Variants in DGKG observed in about 807,000 individuals in gnomAD.
DGKG encodes the protein diacylglycerol kinase gamma.
A neutral mutation model predicts 105.3 loss-of-function variants in DGKG; 78 were observed. That is an observed-to-expected ratio of 0.74 (90% CI 0.62 to 0.89). The LOEUF (loss-of-function observed/expected upper bound fraction) is 0.89. Ranked by LOEUF, DGKG falls within the 40% of genes least tolerant of loss-of-function variation. The pLI is 0.00. For missense variants in DGKG, 958 were observed against 1,020.1 expected, an observed-to-expected ratio of 0.94 and a Z score of 0.83; for synonymous variants, 346 against 367.1, an observed-to-expected ratio of 0.94 and a Z score of 0.66.
intron 21 of DGKG, among the ~76,000 whole-genome samples, chr3:186,205,925 A>T (rs1279370189): frequency 6.6e-6 from 1 of 152,180 alleles, no homozygotes; most frequent in Non-Finnish European, 1.5e-5. Context: ...AATTAAAAGG[A>T]GTAATTGATG....
rs535897095 is a variant in DGKG, at chr3:186,348,542, C to T, written c.-249+13404G>A. ...TCACGGCTCACTGCAGTCTGCACCT[C>T]TTGGGCTCAGGTGATCCTTCCACCT... On this transcript the variant is annotated intron_variant, in intron 1 of 24. Coordinates refer to ENST00000265022, the MANE Select transcript of DGKG (RefSeq NM_001346.3). Among the ~76,000 whole-genome samples, 221 of 148,756 alleles carry T rather than the reference C, an allele frequency of 1.5e-3. 1 individual carries two copies. The highest frequency in any genetic ancestry group is 5.3e-3 in the African/African-American group (211 of 39,994).
At chr3:186,303,486 T>G (rs1318577385) in intron 3 of DGKG, among the ~76,000 whole-genome samples, 1 of 152,188 alleles carries the variant, frequency 6.6e-6, no homozygotes, top group African/African-American at 2.4e-5. Flanking sequence ...AAGAGAGAAC[T>G]AGATGGAGAG....
At chr3:186,353,500 C>G (rs996013195) in intron 1 of DGKG, among the ~76,000 whole-genome samples, 4 of 150,002 alleles carry the variant, frequency 2.7e-5, no homozygotes, top group African/African-American at 9.8e-5. Context: ...GCCTGGGTGA[C>G]AGAGTGAGAT....
Position 186,279,933 on chromosome 3 carries a change from T to C in DGKG, c.710A>G (p.Asp237Gly). Residue 237 changes from aspartate (D) to glycine (G), a missense_variant, in exon 9 of 25, where the codon GAC (aspartate) becomes GGC (glycine). Physicochemically the swap from Asp to Gly is moderately conservative, Grantham distance 94 (BLOSUM62 -1). This residue lies in a region of DGKG where 643 missense variants were observed against 619.5 expected (regional missense o/e 1.04). Coordinates refer to ENST00000265022, the MANE Select transcript of DGKG (RefSeq NM_001346.3). ...CCATTCCTGTAGAGACACAAAGCCG[T>C]CCCGGTCGTAGTCCATCCCTTGCAG... ...EMLQGMDYDR[D>G]GFVSLQEWVH... 15 of 1,614,150 alleles carry C rather than the reference T, an allele frequency of 9.3e-6. No individual in the cohort carries two copies. Among genetic ancestry groups the C allele is most frequent in the Non-Finnish European group, 1.2e-5 (14 of 1,179,990 alleles).
At chr3:186,164,686 C>T (rs771566296) in intron 23 of DGKG, among the ~76,000 whole-genome samples, 17 of 152,180 alleles carry the variant, frequency 1.1e-4, no homozygotes, top group Non-Finnish European at 2.5e-4. Context: ...GAACAGCAAA[C>T]TGGTTGTGGT....
intron 7 of DGKG, among the ~76,000 whole-genome samples, chr3:186,281,488 T>C (rs552867226): frequency 1.3e-5 from 2 of 152,276 alleles, no homozygotes; most frequent in South Asian, 4.1e-4. Flanking sequence ...TAGGCACCAG[T>C]TAAGATGTTC....
At chr3:186,156,071 C>T (rs952203415) in intron 24 of DGKG, among the ~76,000 whole-genome samples, 10 of 151,922 alleles carry the variant, frequency 6.6e-5, no homozygotes, top group African/African-American at 1.7e-4. Flanking sequence ...TTTGGGATAG[C>T]GATTGCAAAC....
chr3:186,242,422 A>C, intron 20 of DGKG, 82 bp downstream of exon 20: 1 of 1,282,992 alleles, frequency 7.8e-7, no homozygotes, highest in Admixed American at 2.5e-5. Context: ...GGCTGGGAAA[A>C]TTTCCAGAGA....
chr3:186,275,788 C>T, intron 9 of DGKG, 124 bp from the exon 10 acceptor site: 1 of 639,902 alleles, frequency 1.6e-6, no homozygotes. Context: ...ATATTTTTTA[C>T]TGTTTTAAAT....
intron 3 of DGKG, among the ~76,000 whole-genome samples, chr3:186,304,471 G>A (rs181228369): frequency 2.0e-5 from 3 of 152,308 alleles, no homozygotes; most frequent in Admixed American, 6.5e-5. Flanking sequence ...AGTGTCCAAC[G>A]GAGAAGGTGT....
At chr3:186,167,338 C>T (rs1716595865) in intron 22 of DGKG, among the ~76,000 whole-genome samples, 1 of 152,172 alleles carries the variant, frequency 6.6e-6, no homozygotes, top group Admixed American at 6.5e-5. Flanking sequence ...TCCTAGAATG[C>T]CTACAGAGGT....
At chr3:186,312,841 G>T (rs1724620218) in intron 2 of DGKG, among the ~76,000 whole-genome samples, 1 of 152,228 alleles carries the variant, frequency 6.6e-6, no homozygotes, top group South Asian at 2.1e-4. Flanking sequence ...CTGGAGTCAG[G>T]CCTCAGAGCA....
At chr3:186,189,230 T>C (rs1160434824) in intron 21 of DGKG, among the ~76,000 whole-genome samples, 2 of 152,240 alleles carry the variant, frequency 1.3e-5, no homozygotes, top group African/African-American at 4.8e-5. Flanking sequence ...AAATGCAATT[T>C]TGGCATATGT....
intron 23 of DGKG, among the ~76,000 whole-genome samples, chr3:186,164,277 C>A (rs1716431945): frequency 6.6e-6 from 1 of 152,200 alleles, no homozygotes; most frequent in South Asian, 2.1e-4. Flanking sequence ...GAATCTCAGA[C>A]AAAATGTGAT....
chr3:186,269,985 T>C (rs909581594), intron 11 of DGKG, among the ~76,000 whole-genome samples: 10 of 152,148 alleles, frequency 6.6e-5, no homozygotes, highest in Non-Finnish European at 1.5e-4. Context: ...AAATTTTCAC[T>C]ATGGTACCAC....
intron 21 of DGKG, among the ~76,000 whole-genome samples, chr3:186,206,372 G>A (rs1298579324): frequency 1.3e-5 from 2 of 151,186 alleles, no homozygotes; most frequent in Admixed American, 1.3e-4. Context: ...AACAGAGCAA[G>A]ACTCTGTCAA....
At chr3:186,357,444 AG>A (rs150019648) in intron 1 of DGKG, among the ~76,000 whole-genome samples, 5,594 of 152,252 alleles carry the variant, frequency 0.037, 359 homozygotes, top group African/African-American at 0.13. Context: ...TAAAGAGAAA[AG>A]GCTTTGAAAT....
At chr3:186,215,822 A>G in intron 20 of DGKG, among the ~76,000 whole-genome samples, 1 of 152,126 alleles carries the variant, frequency 6.6e-6, no homozygotes, top group Non-Finnish European at 1.5e-5. Context: ...TTGATTTCCC[A>G]GTGGCAGTCG....
intron 1 of DGKG, among the ~76,000 whole-genome samples, chr3:186,350,654 A>C (rs573524871): frequency 5.9e-5 from 9 of 152,298 alleles, no homozygotes; most frequent in Admixed American, 2.6e-4. Context: ...CAAGTTTTTG[A>C]GGACCCACTG....
Sources: allele counts gnomAD v4.1 joint callset (sites outside exome capture counted in the v4.1 genomes callset), GRCh38; gene constraint gnomAD v4.1.1; regional missense constraint gnomAD v4.1.1; transcripts MANE v1.5; gene names NCBI Gene and HGNC (gene_info 2026-07-23, HGNC 2026-07-21).